The following KSR1 variants were observed in gnomAD, a reference collection of about 807,000 sequenced individuals.
The protein encoded by KSR1 is kinase suppressor of ras.
KSR1 carries 35 observed loss-of-function variants against 92.9 expected under a neutral mutation model. The ratio of observed to expected loss-of-function variants is 0.38; its 90% confidence interval spans 0.29 to 0.50. The LOEUF (loss-of-function observed/expected upper bound fraction) is 0.50. Ranked by LOEUF, KSR1 falls within the 20% of genes least tolerant of loss-of-function variation. KSR1 has a pLI of 0.94. For missense variants in KSR1, 972 were observed against 1,158.5 expected, an observed-to-expected ratio of 0.84 and a Z score of 2.34; for synonymous variants, 467 against 472.6, an observed-to-expected ratio of 0.99 and a Z score of 0.15.
intron 1 of KSR1, among the ~76,000 whole-genome samples, chr17:27,511,238 G>A (rs1192019202): frequency 1.3e-5 from 2 of 152,232 alleles, no homozygotes; most frequent in Admixed American, 6.5e-5. Context: ...GCCTGGCTGG[G>A]GCTGGAACAC....
Position 27,577,888 on chromosome 17 carries a change from T to C in KSR1, c.520+249T>C. ...CATGGTTAGAAATCCCAGGCCTGTC[T>C]GCTGGGCTGGGCTGGCCTGGCATGG... On this transcript the variant is annotated intron_variant, in intron 3 of 20. Transcript: ENST00000644974. The surrounding 1 kb of genome is among the most constrained non-coding windows in gnomAD (Gnocchi z 4.5). 1.6e-6 allele frequency: 1 copy of C among 637,182 alleles called. No homozygotes were observed. 39.5% of individuals were successfully genotyped at this position (637,182 alleles called of 1,614,324 possible). A position where few individuals can be genotyped will look rare whatever the true frequency, so the allele number is the denominator to read the frequency against.
intron 1 of KSR1, among the ~76,000 whole-genome samples, chr17:27,511,442 G>C (rs1173107152): frequency 6.6e-6 from 1 of 152,216 alleles, no homozygotes; most frequent in African/African-American, 2.4e-5. Flanking sequence ...AACAGTGCCA[G>C]AAGGTAGGGA....
rs1383938010 is a variant in KSR1 at position 27,610,208 on chromosome 17, C to G, written c.2357+10C>G. 2 of 1,613,448 alleles carry G rather than the reference C, an allele frequency of 1.2e-6. No homozygotes were observed. Among genetic ancestry groups the G allele is most frequent in the African/African-American group, 2.7e-5 (2 of 74,924 alleles). ...ATGTCTATGCATTTGGGTGAGTAGG[C>G]CCCTGGTGCCCTGAGGCCAAGTGTG... On this transcript the variant is annotated intron_variant, in intron 17 of 20. Coordinates refer to ENST00000644974, the MANE Select transcript of KSR1 (RefSeq NM_001394583.1).
chr17:27,494,789 G>A (rs2068931571), intron 1 of KSR1, among the ~76,000 whole-genome samples: 1 of 152,240 alleles, frequency 6.6e-6, no homozygotes, highest in Admixed American at 6.5e-5. Flanking sequence ...AAGCTTCTCT[G>A]AGAGTGCCAT....
At chr17:27,485,693 G>A (rs2068642387) in intron 1 of KSR1, among the ~76,000 whole-genome samples, 3 of 152,062 alleles carry the variant, frequency 2.0e-5, no homozygotes. Flanking sequence ...TCACGTGTTG[G>A]GGGCAAAATC....
intron 1 of KSR1, among the ~76,000 whole-genome samples, chr17:27,521,196 C>G (rs1191784657): frequency 6.6e-6 from 1 of 152,128 alleles, no homozygotes; most frequent in Non-Finnish European, 1.5e-5. Context: ...TATATGTATA[C>G]CCGCTCCAAG....
chr17:27,567,357 G>A (rs879339291), intron 2 of KSR1, among the ~76,000 whole-genome samples: 13 of 152,128 alleles, frequency 8.5e-5, no homozygotes, highest in Admixed American at 2.0e-4. Flanking sequence ...TTGGGAGGCC[G>A]AGGCAGGAGG....
At chr17:27,606,308 G>T (rs2073750757) in intron 14 of KSR1, among the ~76,000 whole-genome samples, 3 of 152,184 alleles carry the variant, frequency 2.0e-5, no homozygotes, top group Admixed American at 1.3e-4. Context: ...TCCATAAAAG[G>T]TACAGAGTGA....
chr17:27,517,540 C>T (rs1440215696), intron 1 of KSR1, among the ~76,000 whole-genome samples: 1 of 152,196 alleles, frequency 6.6e-6, no homozygotes, highest in African/African-American at 2.4e-5. Context: ...AAGCAATCCG[C>T]CCACCTTGGC....
chr17:27,461,053 G>T (rs2019409082), intron 1 of KSR1, among the ~76,000 whole-genome samples: 1 of 151,980 alleles, frequency 6.6e-6, no homozygotes, highest in Non-Finnish European at 1.5e-5. Flanking sequence ...CAACCTCCTG[G>T]TTTTTTTGTT....
At chr17:27,511,976 C>A (rs1237744916) in intron 1 of KSR1, among the ~76,000 whole-genome samples, 2 of 152,204 alleles carry the variant, frequency 1.3e-5, no homozygotes, top group Non-Finnish European at 2.9e-5. Context: ...ATAGCAGAGC[C>A]CAAGTGGCTT....
intron 1 of KSR1, among the ~76,000 whole-genome samples, chr17:27,481,423 A>G (rs1057040445): frequency 2.6e-5 from 4 of 152,196 alleles, no homozygotes; most frequent in Non-Finnish European, 5.9e-5. Context: ...AAACTCACAG[A>G]GATAGTAATT....
chr17:27,533,388 CTT>C (rs61407882), intron 1 of KSR1, among the ~76,000 whole-genome samples: 4 of 144,854 alleles, frequency 2.8e-5, no homozygotes, highest in Admixed American at 6.9e-5. Flanking sequence ...TGCAACCATT[CTT>C]TTTTTTTTTT....
intron 20 of KSR1, chr17:27,621,810 GGA>G: frequency 2.0e-5 from 19 of 939,286 alleles, no homozygotes; most frequent in African/African-American, 3.2e-5. Context: ...CTTTCTCTCT[GGA>G]AGAGAAAGGG....
intron 2 of KSR1, chr17:27,560,332 C>T (rs35246887): frequency 0.12 from 52,202 of 452,512 alleles, 3,724 homozygotes; most frequent in South Asian, 0.18. Flanking sequence ...CAAGCGCTGC[C>T]TGAGCAGTTC....
In KSR1 at chr17:27,565,429, G is replaced by A. The variant is rs79795819; in HGVS notation, c.373-12063G>A. Among the ~76,000 whole-genome samples the A allele has an allele frequency of 4.0e-3, 603 of 152,272 alleles. 5 individuals are homozygous for A. The highest frequency in any genetic ancestry group is 0.013 in the African/African-American group (538 of 41,550). ...AGATGGAAAAACTACGTGAAATTAT[G>A]TTTATTTAGTTTTGAGATGGCATCT... On this transcript the variant is annotated intron_variant, in intron 2 of 20. Coordinates refer to ENST00000644974, the MANE Select transcript of KSR1 (RefSeq NM_001394583.1).
intron 1 of KSR1, among the ~76,000 whole-genome samples, chr17:27,535,567 G>C (rs971017270): frequency 1.4e-4 from 22 of 152,204 alleles, no homozygotes; most frequent in African/African-American, 5.3e-4. Context: ...GAAGCTTGCA[G>C]ACACATTAAC....
intron 1 of KSR1, among the ~76,000 whole-genome samples, chr17:27,549,728 T>A (rs975397944): frequency 1.3e-5 from 2 of 152,338 alleles, no homozygotes; most frequent in Admixed American, 6.5e-5. Context: ...TGCTCAGTGG[T>A]CATGGCTACA....
At position 27,592,387 on chromosome 17, in the gene KSR1, A is replaced by C. The variant is rs1184248888; in HGVS notation, c.1157A>C (p.Lys386Thr). The change falls in exon 8 of 21, where the codon AAA becomes ACA. Residue 386 changes from lysine (K) to threonine (T), a missense_variant. Transcript: ENST00000644974. The stretch of plus-strand genomic sequence containing the variant: ...TTGAAGTGTCACAACAAATGTACCA[A>C]AGAAGCCCCTGCCTGTAGAATATCC... ...CRLKCHNKCT[K>T]EAPACRISFL... The C allele has an allele frequency of 5.6e-6, 9 of 1,613,918 alleles. No individual in the cohort carries two copies. Among genetic ancestry groups the C allele is most frequent in the Non-Finnish European group, 7.6e-6 (9 of 1,179,860 alleles).
Sources: gnomAD v4.1 joint callset for allele counts (sites outside exome capture counted in the v4.1 genomes callset) on GRCh38, gnomAD v4.1.1 for gene constraint, Gnocchi (gnomAD v3.1) non-coding constraint, MANE v1.5 for transcripts, NCBI Gene and HGNC (gene_info 2026-07-23, HGNC 2026-07-21) for gene names.